Variants in SLC35E1 observed in about 807,000 individuals in gnomAD.
The protein encoded by SLC35E1 is solute carrier family 35 member E1.
In SLC35E1, 12 loss-of-function variants were observed where a neutral mutation model predicts 31.0. That is an observed-to-expected ratio of 0.39 (90% confidence interval 0.25 to 0.63). The LOEUF (loss-of-function observed/expected upper bound fraction) is 0.63, where lower values mean the gene tolerates loss of function less well. Ranked by LOEUF, SLC35E1 falls within the 20% of genes least tolerant of loss-of-function variation. The pLI is 0.52. For missense variants in SLC35E1, 429 were observed against 572.2 expected, an observed-to-expected ratio of 0.75 and a Z score of 2.55; for synonymous variants, 257 against 264.1, an observed-to-expected ratio of 0.97 and a Z score of 0.26.
intron 2 of SLC35E1, among the ~76,000 whole-genome samples, chr19:16,570,317 T>C (rs2085951157): frequency 6.6e-6 from 1 of 151,982 alleles, no homozygotes; most frequent in Non-Finnish European, 1.5e-5. Context: ...CACACACAGG[T>C]CTTGCTGAGA....
intron 4 of SLC35E1, among the ~76,000 whole-genome samples, chr19:16,560,881 C>CAA (rs1304202019): frequency 0.091 from 6,179 of 68,008 alleles, 320 homozygotes; most frequent in Non-Finnish European, 0.13. Flanking sequence ...AAAAAAAAAC[C>CAA]AAAAAAAAAA....
chr19:16,565,131 C>A (rs1468290944), intron 4 of SLC35E1: 1 of 456,572 alleles, frequency 2.2e-6, no homozygotes, highest in Non-Finnish European at 4.4e-6. Context: ...TGAAGGCAGA[C>A]CCTGCAGGTG....
chr19:16,554,894 G>A (rs1294279908), intron 5 of SLC35E1, among the ~76,000 whole-genome samples: 3 of 150,610 alleles, frequency 2.0e-5, no homozygotes, highest in Non-Finnish European at 3.0e-5. Context: ...TCCTTACACC[G>A]CACTAAACAG....
At chr19:16,554,198 G>A (rs951912528) in intron 5 of SLC35E1, among the ~76,000 whole-genome samples, 18 of 151,184 alleles carry the variant, frequency 1.2e-4, no homozygotes, top group African/African-American at 4.1e-4. Context: ...CCCAGGAGGC[G>A]GAGGTTGCAG....
At chr19:16,568,402 C>T (rs2085942384) in intron 2 of SLC35E1, among the ~76,000 whole-genome samples, 2 of 152,316 alleles carry the variant, frequency 1.3e-5, no homozygotes, top group African/African-American at 4.8e-5. Context: ...ATACCGTCAC[C>T]CCCATTAAGA....
intron 5 of SLC35E1, among the ~76,000 whole-genome samples, 193 bp from the exon 6 acceptor site, chr19:16,554,102 TAA>T (rs1293967086): frequency 6.7e-6 from 1 of 150,100 alleles, no homozygotes; most frequent in Non-Finnish European, 1.5e-5. Context: ...CCGTCTCTAC[TAA>T]AAATACAAAA....
rs370622760 is a variant in SLC35E1 at position 16,555,314 on chromosome 19, G to A, written c.840C>T (p.Phe280=). The change falls in exon 5 of 6, where the codon TTC becomes TTT. Residue 280 remains phenylalanine (F), a synonymous_variant. Transcript: ENST00000595753. This position sits in a 1 kb window ranked among gnomAD's most constrained non-coding sequence, Gnocchi z 4.1. ...FCNFAQNVIA[F]SILNLVSPLS... is the part of the protein sequence containing the mutation. ...GGGGGCTAACGAGGTTGAGGATGCT[G>A]AAGGCGATAACATTCTGGGCAAAGT... is the stretch of plus-strand genomic sequence containing the variant. 16 of 1,614,176 alleles carry A rather than the reference G, an allele frequency of 9.9e-6. No individual in the cohort carries two copies. The African/African-American group carries it at 1.9e-4, about 19-fold the overall frequency.
At position 16,571,955 on chromosome 19, in the gene SLC35E1, T is replaced by C. The variant is rs2085961455; in HGVS notation, c.410A>G (p.Tyr137Cys). The change falls in exon 1 of 6, where the codon TAT becomes TGT. Residue 137 changes from tyrosine to cysteine, a missense_variant. By Grantham distance (194) the Tyr-to-Cys change is radical (BLOSUM62 -2). Coordinates refer to ENST00000595753, the MANE Select transcript of SLC35E1 (RefSeq NM_024881.5). ...GGCGCGGAACCTACCGGTGTGTGCA[T>C]AGGACACGGGCACCTTCCAGATGCT... ...HVSIWKVPVS[Y>C]AHTVKATMPI... is the part of the protein sequence containing the mutation. 1.3e-6 allele frequency: 2 copies of C among 1,547,268 alleles called. No homozygotes were observed. The highest frequency in any genetic ancestry group is 1.7e-6 in the Non-Finnish European group (2 of 1,145,520).
chr19:16,557,396 T>C (rs2085880408), intron 4 of SLC35E1, among the ~76,000 whole-genome samples: 1 of 152,116 alleles, frequency 6.6e-6, no homozygotes, highest in African/African-American at 2.4e-5. Flanking sequence ...GGTTTCACCG[T>C]GTTAGCCAGG....
chr19:16,565,139 G>A (rs1391165513), intron 4 of SLC35E1: 5 of 456,406 alleles, frequency 1.1e-5, no homozygotes, highest in Admixed American at 4.7e-5. Context: ...GACCCTGCAG[G>A]TGGCAAAAAG....
At chr19:16,571,706 T>G in intron 1 of SLC35E1, 124 bp from the exon 2 acceptor site, 1 of 1,079,806 alleles carries the variant, frequency 9.3e-7, no homozygotes, top group South Asian at 1.3e-5. Flanking sequence ...TCTCTTTCGG[T>G]AGGGCTTCCT....
chr19:16,571,122 C>T (rs1414680627), intron 2 of SLC35E1, among the ~76,000 whole-genome samples: 2 of 151,360 alleles, frequency 1.3e-5, no homozygotes, highest in Admixed American at 6.6e-5. Flanking sequence ...AAGTGAACAC[C>T]TAACCGACAG....
At chr19:16,558,245 T>C (rs927660166) in intron 4 of SLC35E1, among the ~76,000 whole-genome samples, 1 of 152,128 alleles carries the variant, frequency 6.6e-6, no homozygotes, top group Non-Finnish European at 1.5e-5. Context: ...GGTTTCACCA[T>C]GTTGGCCAGG....
chr19:16,554,290 AGTC>A (rs1375369158), intron 5 of SLC35E1, among the ~76,000 whole-genome samples: 1 of 151,140 alleles, frequency 6.6e-6, no homozygotes, highest in East Asian at 1.9e-4. Flanking sequence ...AAAAAAAAAA[AGTC>A]AGTTAACCTC....
chr19:16,553,196 G>C lies in SLC35E1; in HGVS notation c.*483C>G, dbSNP rs529748449. ...CTTGGTGACCCTGTTGGTCCTATGC[G>C]TATCTGCGCCAGGGAATTAAACTAG... On this transcript the variant is annotated 3_prime_UTR_variant, in exon 6 of 6. Coordinates refer to ENST00000595753, the MANE Select transcript of SLC35E1 (RefSeq NM_024881.5). 1.4e-4 allele frequency: 21 copies of C among 152,354 alleles called. No individual in the cohort carries two copies. The highest frequency in any genetic ancestry group is 2.3e-4 in the Non-Finnish European group (16 of 68,228). 9.4% of individuals were successfully genotyped at this position (152,354 alleles called of 1,614,324 possible).
intron 4 of SLC35E1, among the ~76,000 whole-genome samples, chr19:16,558,503 A>T (rs1023037978): frequency 2.0e-5 from 3 of 150,780 alleles, no homozygotes; most frequent in South Asian, 4.2e-4. Context: ...CACCTGGCTA[A>T]TTTTTCTATT....
intron 4 of SLC35E1, chr19:16,566,274 T>C (rs2122344783): frequency 4.5e-6 from 2 of 443,604 alleles, no homozygotes; most frequent in East Asian, 4.0e-5. Flanking sequence ...TTCTCTTCCT[T>C]GACGCTACTG....
chr19:16,568,326 GT>G (rs138402418), intron 2 of SLC35E1, among the ~76,000 whole-genome samples, 157 bp from the exon 3 acceptor site: 2,083 of 152,346 alleles, frequency 0.014, 22 homozygotes, highest in Non-Finnish European at 0.021. Flanking sequence ...GCTCTGGTGG[GT>G]GGCTGGGGGC....
rs2085858131 is a variant in SLC35E1 at position 16,553,771 on chromosome 19, G to C, written c.1141C>G (p.Gln381Glu). The C allele has an allele frequency of 6.2e-7, 1 of 1,613,528 alleles. No homozygotes were observed. ...GLLFPQHGDY[Q>E]YGRNNILTDH... is the part of the protein sequence containing the mutation. ...GTTAAGATGTTGTTGCGGCCGTACT[G>C]ATAGTCCCCGTGCTGGGGGAAGAGG... Residue 381 changes from glutamine to glutamate, a missense_variant, in exon 6 of 6, where the codon CAG (glutamine) becomes GAG (glutamate). By Grantham distance (29) the Gln-to-Glu change is conservative. Coordinates refer to ENST00000595753, the MANE Select transcript of SLC35E1 (RefSeq NM_024881.5).
Sources: allele counts gnomAD v4.1 joint callset (sites outside exome capture counted in the v4.1 genomes callset), GRCh38; gene constraint gnomAD v4.1.1; non-coding constraint Gnocchi (gnomAD v3.1); transcripts MANE v1.5; gene names NCBI Gene and HGNC (gene_info 2026-07-23, HGNC 2026-07-21).